Variants in C5orf24 observed in about 807,000 individuals in gnomAD.
The protein encoded by C5orf24 is UPF0461 protein C5orf24.
A neutral mutation model predicts 9.8 loss-of-function variants in C5orf24; 4 were observed. The observed-to-expected ratio is 0.41, with a 90% CI of 0.20 to 0.93. The LOEUF is 0.93. C5orf24 is among the 40% of genes least tolerant of loss of function. The pLI is 0.33. For missense variants in C5orf24, 170 were observed against 236.9 expected (o/e 0.72, Z 1.85); for synonymous variants, 73 against 81.3 (o/e 0.90, Z 0.55).
At chr5:134,839,167 A>C in the C5orf24 span, among the ~76,000 whole-genome samples, 1 of 151,162 alleles carries the variant, frequency 6.6e-6, no homozygotes, top group South Asian at 2.1e-4. Context: ...ACACCACTGC[A>C]TTCCAGCCTG....
rs747378955 is a variant in C5orf24, at chr5:134,855,655, G to A, written c.*188G>A. 6.9e-6 allele frequency: 10 copies of A among 1,454,734 alleles called. No homozygotes were observed. The highest frequency in any genetic ancestry group is 1.4e-5 in the African/African-American group (1 of 69,752). The allele number at this position is 1,454,734 out of a possible 1,614,324, so 90.1% of individuals were successfully genotyped here. A position where few individuals can be genotyped will look rare whatever the true frequency, so the allele number is the denominator to read the frequency against. On this transcript the variant is annotated 3_prime_UTR_variant, in exon 2 of 2. Coordinates refer to ENST00000394976, the MANE Select transcript of C5orf24 (RefSeq NM_001135586.1). Reference sequence around the variant, plus strand: ...CAGATGCACTCAGGGCATGAGCAGCGGCATTGTATTTGTACATAGGTTCAA... The same window carrying A: ...CAGATGCACTCAGGGCATGAGCAGCAGCATTGTATTTGTACATAGGTTCAA...
intron 1 of C5orf24, among the ~76,000 whole-genome samples, chr5:134,849,647 C>CTTTTTT (rs35375521): frequency 3.9e-5 from 3 of 76,962 alleles, no homozygotes; most frequent in East Asian, 4.8e-4. Flanking sequence ...AAGTCAGTGT[C>CTTTTTT]TTTTTTTTTT....
At chr5:134,850,714 T>G (rs1756133447) in intron 1 of C5orf24, among the ~76,000 whole-genome samples, 1 of 151,692 alleles carries the variant, frequency 6.6e-6, no homozygotes, top group Admixed American at 6.6e-5. Flanking sequence ...TGACCTCAGG[T>G]GATCTGCCTG....
At chr5:134,844,314 C>T (rs1448296797), upstream of C5orf24, among the ~76,000 whole-genome samples, 1 of 152,046 alleles carries the variant, frequency 6.6e-6, no homozygotes, top group African/African-American at 2.4e-5. Context: ...ATATAAATAA[C>T]ACTAGCATGA....
the C5orf24 span, among the ~76,000 whole-genome samples, chr5:134,836,198 G>T: frequency 9.3e-6 from 1 of 108,042 alleles, no homozygotes; most frequent in Admixed American, 1.2e-4. Context: ...TTTTGAGACA[G>T]AGTTTTGCTC....
chr5:134,835,577 G>T, the C5orf24 span, among the ~76,000 whole-genome samples: 1 of 152,334 alleles, frequency 6.6e-6, no homozygotes, highest in East Asian at 1.9e-4. Context: ...AATCCAGGAG[G>T]TGGAGGTTAC....
At position 134,855,807 on chromosome 5, in the gene C5orf24, C is replaced by A. The variant is rs1463211838; in HGVS notation, c.*340C>A. 4.4e-6 allele frequency: 5 copies of A among 1,134,460 alleles called. No individual in the cohort carries two copies. Among genetic ancestry groups the A allele is most frequent in the African/African-American group, 1.7e-5 (1 of 59,498 alleles). 70.3% of individuals were successfully genotyped at this position (1,134,460 alleles called of 1,614,324 possible). ...TGATAAACAACTGAAACCATTATAC[C>A]TATTAGTTTGTGAAGTAAGCCTACA... On this transcript the variant is annotated 3_prime_UTR_variant, in exon 2 of 2. Transcript: ENST00000394976.
intron 1 of C5orf24, among the ~76,000 whole-genome samples, 163 bp from the exon 2 acceptor site, chr5:134,854,735 T>G (rs1338581934): frequency 6.6e-6 from 1 of 152,234 alleles, no homozygotes; most frequent in African/African-American, 2.4e-5. Context: ...TTGAATCTGC[T>G]GATGTGTGTT....
chr5:134,857,268 T>A lies in C5orf24; in HGVS notation c.*1801T>A. The A allele has an allele frequency of 7.2e-7, 1 of 1,388,648 alleles. No homozygotes were observed. Among genetic ancestry groups the A allele is most frequent in the Non-Finnish European group, 9.4e-7 (1 of 1,058,610 alleles). 86.0% of individuals were successfully genotyped at this position (1,388,648 alleles called of 1,614,324 possible). The stretch of plus-strand genomic sequence containing the variant: ...AAAACTTTTAAAATAATTAAAATTT[T>A]AAAAGAGCACATGTTGTGTTTTTTG... On this transcript the variant is annotated 3_prime_UTR_variant, in exon 2 of 2. Coordinates refer to ENST00000394976, the MANE Select transcript of C5orf24 (RefSeq NM_001135586.1).
chr5:134,855,493 T>G lies in C5orf24; in HGVS notation c.*26T>G. 4 of 1,611,104 alleles carry G rather than the reference T, an allele frequency of 2.5e-6. No individual in the cohort carries two copies. Among genetic ancestry groups the G allele is most frequent in the Non-Finnish European group, 3.4e-6 (4 of 1,179,380 alleles). ...ATGAGGCAGGAAAAGAGGGCCAGGT[T>G]TAGAAGGAAGATTGTGAATAATCCC... On this transcript the variant is annotated 3_prime_UTR_variant, in exon 2 of 2. Transcript: ENST00000394976.
Position 134,856,832 on chromosome 5 carries a change from A to G in C5orf24, c.*1365A>G. The G allele has an allele frequency of 1.0e-6, 1 of 1,000,430 alleles. No homozygotes were observed. Among genetic ancestry groups the G allele is most frequent in the Non-Finnish European group, 1.2e-6 (1 of 830,114 alleles). The allele number at this position is 1,000,430 out of a possible 1,614,324, so 62.0% of individuals were successfully genotyped here. A position where few individuals can be genotyped will look rare whatever the true frequency, so the allele number is the denominator to read the frequency against. ...AGACTGTAAAACTGGTATAAACAGA[A>G]TGCAGTTTCCCGACCATCAGAACCC... is the stretch of plus-strand genomic sequence containing the variant. On this transcript the variant is annotated 3_prime_UTR_variant, in exon 2 of 2. Transcript: ENST00000394976.
chr5:134,834,671 C>T, the C5orf24 span, among the ~76,000 whole-genome samples: 1 of 152,102 alleles, frequency 6.6e-6, no homozygotes, highest in Non-Finnish European at 1.5e-5. Flanking sequence ...AATCCCAGCA[C>T]TTTGGGAGGC....
chr5:134,855,368 T>C lies in C5orf24; in HGVS notation c.468T>C (p.Tyr156=). ...TATCCCGTCTTGCCGATCTTGGTTA[T>C]GGCTGTGGCACTGCTGCTTTTCCTT... ...KALSRLADLG[Y]GCGTAAFPYP... is the part of the protein sequence containing the mutation. Residue 156 remains tyrosine, a synonymous_variant, in exon 2 of 2, where the codon TAT becomes TAC. Coordinates refer to ENST00000394976, the MANE Select transcript of C5orf24 (RefSeq NM_001135586.1). 1.2e-6 allele frequency: 2 copies of C among 1,614,184 alleles called. No homozygotes were observed. Among genetic ancestry groups the C allele is most frequent in the East Asian group, 2.2e-5 (1 of 44,888 alleles).
At position 134,856,549 on chromosome 5, in the gene C5orf24, G is replaced by A; in HGVS notation, c.*1082G>A. The A allele has an allele frequency of 3.1e-6, 1 of 319,562 alleles. No individual in the cohort carries two copies. Among genetic ancestry groups the A allele is most frequent in the Non-Finnish European group, 4.8e-6 (1 of 210,196 alleles). 19.8% of individuals were successfully genotyped at this position (319,562 alleles called of 1,614,324 possible). A position where few individuals can be genotyped will look rare whatever the true frequency, so the allele number is the denominator to read the frequency against. ...CAAGCTACTGGGGAGGCTGAGGCAG[G>A]AGAATTGCTTAAATCCAGGAGGCGG... On this transcript the variant is annotated 3_prime_UTR_variant, in exon 2 of 2. Transcript: ENST00000394976.
At chr5:134,848,087 C>G (rs181115170) in intron 1 of C5orf24, among the ~76,000 whole-genome samples, 3,102 of 152,168 alleles carry the variant, frequency 0.02, 43 homozygotes, top group Admixed American at 0.038. Context: ...CCAAGGCAGG[C>G]GGATCACGAG....
upstream of C5orf24, among the ~76,000 whole-genome samples, chr5:134,845,490 G>A (rs575177696): frequency 5.5e-4 from 84 of 152,356 alleles, no homozygotes; most frequent in Non-Finnish European, 2.9e-4. Flanking sequence ...CATAATAGCG[G>A]TAGTTTGTTG....
At chr5:134,844,923 A>T (rs1755952447), upstream of C5orf24, among the ~76,000 whole-genome samples, 1 of 152,030 alleles carries the variant, frequency 6.6e-6, no homozygotes, top group African/African-American at 2.4e-5. Context: ...TTTTTAGTAG[A>T]GAAGGGGTTT....
the C5orf24 span, among the ~76,000 whole-genome samples, chr5:134,836,922 G>A: frequency 6.6e-6 from 1 of 152,098 alleles, no homozygotes; most frequent in African/African-American, 2.4e-5. Context: ...AATCAAGTAT[G>A]TATATTGGGA....
Position 134,857,585 on chromosome 5 carries a change from TTTTC to T in C5orf24, c.*2121_*2124del. On this transcript the variant is annotated 3_prime_UTR_variant, in exon 2 of 2. Transcript: ENST00000394976. ...TGGCAGCTAAATTGCTACAAGAGCT[TTTTC>T]TTGCAAAAGCTTAAAATACAAGATT... The T allele has an allele frequency of 2.9e-6, 2 of 685,382 alleles. No homozygotes were observed. Among genetic ancestry groups the T allele is most frequent in the Non-Finnish European group, 4.3e-6 (2 of 466,298 alleles). The allele number at this position is 685,382 out of a possible 1,614,324, so 42.5% of individuals were successfully genotyped here.
Sources: allele counts gnomAD v4.1 joint callset (sites outside exome capture counted in the v4.1 genomes callset), GRCh38; gene constraint gnomAD v4.1.1; transcripts MANE v1.5; gene names NCBI Gene and HGNC (gene_info 2026-07-23, HGNC 2026-07-21).